NTRK2: variants seen among roughly 807,000 people sequenced by gnomAD.
NTRK2 encodes neurotrophic receptor tyrosine kinase 2, also known as BDNF/NT-3 growth factors receptor.
Under a neutral mutation model 94.5 loss-of-function variants are expected in NTRK2, and 13 were observed. The ratio of observed to expected loss-of-function variants is 0.14; its 90% CI spans 0.09 to 0.22. The LOEUF (loss-of-function observed/expected upper bound fraction) is 0.22, where lower values mean the gene tolerates loss of function less well. Ranked by LOEUF, NTRK2 falls within the 10% of genes least tolerant of loss-of-function variation. The pLI, the probability that NTRK2 is intolerant of heterozygous loss-of-function variation, is 1.00. For missense variants in NTRK2, 639 were observed against 1,071.2 expected (o/e 0.60, Z 5.63); for synonymous variants, 372 against 407.4 (o/e 0.91, Z 1.05).
At chr9:84,766,093 T>C (rs1182466896) in intron 12 of NTRK2, among the ~76,000 whole-genome samples, 1 of 151,900 alleles carries the variant, frequency 6.6e-6, no homozygotes, top group East Asian at 1.9e-4. Flanking sequence ...TATAGAGAAA[T>C]CTACAGGTGA....
chr9:84,734,564 G>A (rs1323169656), intron 9 of NTRK2, among the ~76,000 whole-genome samples: 2 of 152,232 alleles, frequency 1.3e-5, no homozygotes, highest in Non-Finnish European at 2.9e-5. Context: ...ATTTCCACGT[G>A]TGGTGGGAGG....
At chr9:84,860,134 CTGT>C (rs2075262342) in intron 12 of NTRK2, among the ~76,000 whole-genome samples, 1 of 152,174 alleles carries the variant, frequency 6.6e-6, no homozygotes, top group Non-Finnish European at 1.5e-5. Flanking sequence ...TCCAAAATGT[CTGT>C]AAAAATTATG....
chr9:84,948,832 A>G (rs1056367729), intron 16 of NTRK2, among the ~76,000 whole-genome samples, 198 bp downstream of exon 16: 1 of 152,228 alleles, frequency 6.6e-6, no homozygotes, highest in Non-Finnish European at 1.5e-5. Context: ...AATGAATTCT[A>G]TGTAATGTGA....
At chr9:84,786,506 G>A (rs372523158) in intron 12 of NTRK2, among the ~76,000 whole-genome samples, 12 of 152,168 alleles carry the variant, frequency 7.9e-5, no homozygotes, top group African/African-American at 2.4e-4. Context: ...TGATCCATCT[G>A]TCTCTACTTC....
intron 17 of NTRK2, among the ~76,000 whole-genome samples, chr9:84,981,638 G>GA (rs1448799232): frequency 6.6e-6 from 1 of 152,186 alleles, no homozygotes; most frequent in African/African-American, 2.4e-5. Flanking sequence ...TAAATCAGTT[G>GA]AAAAGGTATG....
At chr9:85,015,161 A>G (rs1349768453) in intron 17 of NTRK2, among the ~76,000 whole-genome samples, 1 of 152,176 alleles carries the variant, frequency 6.6e-6, no homozygotes, top group African/African-American at 2.4e-5. Context: ...CTATCTTTAG[A>G]AAAATACTCC....
At chr9:84,993,400 A>G (rs1475110743) in intron 17 of NTRK2, among the ~76,000 whole-genome samples, 1 of 152,116 alleles carries the variant, frequency 6.6e-6, no homozygotes, top group Non-Finnish European at 1.5e-5. Flanking sequence ...GCCCTAGCCT[A>G]CTCAAGTGCT....
chr9:84,867,733 A>C (rs988546523), intron 14 of NTRK2, among the ~76,000 whole-genome samples: 5 of 152,198 alleles, frequency 3.3e-5, no homozygotes, highest in African/African-American at 4.8e-5. Flanking sequence ...AAAAAGAGAG[A>C]CAGAAACCAG....
chr9:84,751,718 A>T (rs2064633637), intron 11 of NTRK2, among the ~76,000 whole-genome samples: 1 of 152,166 alleles, frequency 6.6e-6, no homozygotes, highest in Non-Finnish European at 1.5e-5. Context: ...TAATATTTTT[A>T]AAATGCCAAT....
chr9:84,943,489 C>T (rs913324612), intron 15 of NTRK2, among the ~76,000 whole-genome samples: 3 of 152,156 alleles, frequency 2.0e-5, no homozygotes, highest in Admixed American at 6.5e-5. Context: ...TGGAGGAGCC[C>T]TCTCCCTTAA....
chr9:84,749,200 C>T (rs2064361855), intron 11 of NTRK2, among the ~76,000 whole-genome samples: 2 of 152,004 alleles, frequency 1.3e-5, no homozygotes, highest in African/African-American at 4.8e-5. Context: ...TGCACTCCAG[C>T]CTAGGCAACA....
At chr9:84,982,903 T>C (rs1434096949) in intron 17 of NTRK2, among the ~76,000 whole-genome samples, 5 of 152,206 alleles carry the variant, frequency 3.3e-5, no homozygotes, top group Non-Finnish European at 7.3e-5. Context: ...AAAATATGTA[T>C]GTATTCAGCA....
chr9:84,834,339 A>C (rs2073746151), intron 12 of NTRK2, among the ~76,000 whole-genome samples: 1 of 152,226 alleles, frequency 6.6e-6, no homozygotes, highest in East Asian at 1.9e-4. Flanking sequence ...AAGTTAAATC[A>C]AATCAATTTA....
intron 12 of NTRK2, among the ~76,000 whole-genome samples, chr9:84,772,703 G>T (rs2066673666): frequency 6.6e-6 from 1 of 152,160 alleles, no homozygotes; most frequent in African/African-American, 2.4e-5. Flanking sequence ...ACAGAAATCA[G>T]GGAATTCTTC....
chr9:84,848,633 G>A (rs529624204), intron 12 of NTRK2, among the ~76,000 whole-genome samples: 7 of 152,296 alleles, frequency 4.6e-5, no homozygotes, highest in South Asian at 2.1e-4. Flanking sequence ...CAAGAAAGCC[G>A]GAAGTCTGAG....
intron 12 of NTRK2, chr9:84,813,843 G>A (rs1268089159): frequency 1.9e-6 from 2 of 1,065,592 alleles, no homozygotes; most frequent in African/African-American, 1.6e-5. Context: ...TTTCATGGGT[G>A]CCCTTAATGT....
rs997898810 is a variant in NTRK2 at position 84,872,782 on chromosome 9, A to G, written c.1633+5351A>G. 3.8e-6 allele frequency: 4 copies of G among 1,064,522 alleles called. No individual in the cohort carries two copies. The African/African-American group carries it at 6.6e-5, about 17-fold the overall frequency. The allele number at this position is 1,064,522 out of a possible 1,614,324, so 65.9% of individuals were successfully genotyped here. On this transcript the variant is annotated intron_variant, in intron 14 of 18. Coordinates refer to ENST00000277120, the MANE Select transcript of NTRK2 (RefSeq NM_006180.6). ...ACATGCTTACTAGGCAATTATGTAA[A>G]TAAGCACAGATTCATAGGCCAGCTA...
At chr9:84,894,036 C>A (rs1471834492) in intron 14 of NTRK2, among the ~76,000 whole-genome samples, 2 of 151,856 alleles carry the variant, frequency 1.3e-5, no homozygotes, top group Non-Finnish European at 2.9e-5. Context: ...GGGGCGCGGA[C>A]TGAGTATGTT....
At chr9:84,706,638 T>C (rs1325514533) in intron 4 of NTRK2, among the ~76,000 whole-genome samples, 1 of 146,960 alleles carries the variant, frequency 6.8e-6, no homozygotes, top group Non-Finnish European at 1.5e-5. Flanking sequence ...CATGCCATTC[T>C]CCTGCCTCAG....
Sources: allele counts gnomAD v4.1 joint callset (sites outside exome capture counted in the v4.1 genomes callset), GRCh38; gene constraint gnomAD v4.1.1; transcripts MANE v1.5; gene names NCBI Gene and HGNC (gene_info 2026-07-23, HGNC 2026-07-21).